FBXW7: variants seen among roughly 807,000 people sequenced by gnomAD.
The protein encoded by FBXW7 is F-box and WD repeat domain containing 7.
In FBXW7, 11 loss-of-function variants were observed where a neutral mutation model predicts 86.3. The observed-to-expected ratio is 0.13, with a 90% CI of 0.08 to 0.21. FBXW7 has a LOEUF of 0.21. Ranked by LOEUF, FBXW7 falls within the 10% of genes least tolerant of loss-of-function variation. The probability of loss-of-function intolerance (pLI) is 1.00; values close to 1 mark genes in which losing one functional copy is unlikely to be tolerated. For missense variants in FBXW7, 488 were observed against 847.4 expected (o/e 0.58, Z 5.27); for synonymous variants, 313 against 297.9 (o/e 1.05, Z -0.52).
chr4:152,424,689 T>C (rs1739227106), intron 2 of FBXW7, among the ~76,000 whole-genome samples: 1 of 152,200 alleles, frequency 6.6e-6, no homozygotes, highest in Non-Finnish European at 1.5e-5. Flanking sequence ...TGTTAAGGAA[T>C]TCAAATTTAA....
At chr4:152,522,476 T>A (rs1044050362) in intron 2 of FBXW7, among the ~76,000 whole-genome samples, 1 of 152,204 alleles carries the variant, frequency 6.6e-6, no homozygotes, top group Admixed American at 6.5e-5. Flanking sequence ...GTATACAGAA[T>A]CTAACTGGCA....
In FBXW7 at chr4:152,332,315, G is replaced by A. The variant is rs572285456; in HGVS notation, c.985+281C>T. ...ATACTAAATATTTGGATATTTAATT[G>A]GAAATATAATTTCGGGGTTTCCTTT... On this transcript the variant is annotated intron_variant, in intron 8 of 13. Coordinates refer to ENST00000281708, the MANE Select transcript of FBXW7 (RefSeq NM_001349798.2). Among the ~76,000 whole-genome samples, 6 of 152,138 alleles carry A rather than the reference G, an allele frequency of 3.9e-5. No homozygotes were observed. In the South Asian group the frequency reaches 1.2e-3, roughly 32 times the overall value.
chr4:152,326,448 A>C (rs138251041), intron 11 of FBXW7, among the ~76,000 whole-genome samples: 591 of 151,786 alleles, frequency 3.9e-3, no homozygotes, highest in Non-Finnish European at 6.1e-3. Flanking sequence ...AGAATGCTGC[A>C]TGCTTGGTTC....
intron 4 of FBXW7, among the ~76,000 whole-genome samples, chr4:152,356,876 A>C (rs1732431555): frequency 6.6e-6 from 1 of 152,206 alleles, no homozygotes; most frequent in African/African-American, 2.4e-5. Context: ...TTCATTCAGT[A>C]AGCATTTGTT....
At chr4:152,429,182 C>T (rs955772712) in intron 2 of FBXW7, among the ~76,000 whole-genome samples, 2 of 152,104 alleles carry the variant, frequency 1.3e-5, no homozygotes, top group Admixed American at 1.3e-4. Context: ...AAGAGCGAAA[C>T]TCCATCTCAA....
In FBXW7 at chr4:152,373,473, A is replaced by G. The variant is rs1734186518; in HGVS notation, c.502-23349T>C. On this transcript the variant is annotated intron_variant, in intron 4 of 13. Transcript: ENST00000281708. ...CACTGTTATATCTACAGTTTCTAGGAAAGTTCTCTACTCTAGGTGCTCAAT... is the reference window on the plus strand; with the variant it reads ...CACTGTTATATCTACAGTTTCTAGGGAAGTTCTCTACTCTAGGTGCTCAAT... 3.9e-5 allele frequency among the ~76,000 whole-genome samples: 6 copies of G among 152,152 alleles called. No homozygotes were observed. In the South Asian group the frequency reaches 1.2e-3, roughly 32 times the overall value.
chr4:152,356,346 T>C (rs1285143306), intron 4 of FBXW7, among the ~76,000 whole-genome samples: 2 of 152,212 alleles, frequency 1.3e-5, no homozygotes, highest in Non-Finnish European at 2.9e-5. Flanking sequence ...TTACAATCAG[T>C]ACTAAAAAGT....
At chr4:152,359,862 G>T (rs1732763176) in intron 4 of FBXW7, among the ~76,000 whole-genome samples, 1 of 152,160 alleles carries the variant, frequency 6.6e-6, no homozygotes, top group African/African-American at 2.4e-5. Context: ...AGAAAATGGA[G>T]AAGTTATTTT....
intron 4 of FBXW7, among the ~76,000 whole-genome samples, chr4:152,358,457 T>C (rs917807717): frequency 2.6e-5 from 4 of 151,986 alleles, no homozygotes; most frequent in Non-Finnish European, 4.4e-5. Flanking sequence ...GGGATTAATT[T>C]CCTAAATTAG....
chr4:152,430,317 T>C (rs2126946341), intron 2 of FBXW7, among the ~76,000 whole-genome samples: 1 of 152,284 alleles, frequency 6.6e-6, no homozygotes, highest in African/African-American at 2.4e-5. Context: ...TGAGGGTGTT[T>C]TGAAGTTTGA....
intron 2 of FBXW7, among the ~76,000 whole-genome samples, chr4:152,438,668 C>G (rs749785794): frequency 1.3e-5 from 2 of 152,140 alleles, no homozygotes; most frequent in Admixed American, 1.3e-4. Context: ...GACTGAGACT[C>G]TGTCTCAAAA....
chr4:152,433,777 C>G (rs960889939), intron 2 of FBXW7, among the ~76,000 whole-genome samples: 2 of 152,130 alleles, frequency 1.3e-5, no homozygotes, highest in Non-Finnish European at 2.9e-5. Context: ...TGGACACTTA[C>G]ATTTTCATGT....
At chr4:152,417,149 A>T (rs1294226210) in intron 2 of FBXW7, among the ~76,000 whole-genome samples, 1 of 152,024 alleles carries the variant, frequency 6.6e-6, no homozygotes. Flanking sequence ...GACTCCCCAT[A>T]CTATTATCTC....
chr4:152,379,662 C>T (rs1361880810), intron 4 of FBXW7, among the ~76,000 whole-genome samples: 1 of 151,972 alleles, frequency 6.6e-6, no homozygotes, highest in East Asian at 1.9e-4. Context: ...GGATTACAGG[C>T]GTGACCCACC....
At chr4:152,507,525 C>T (rs1747538803) in intron 2 of FBXW7, among the ~76,000 whole-genome samples, 1 of 152,102 alleles carries the variant, frequency 6.6e-6, no homozygotes, top group Non-Finnish European at 1.5e-5. Context: ...AAAGAATTAC[C>T]GTGTATAAAC....
chr4:152,480,419 C>T (rs1466599632), intron 2 of FBXW7, among the ~76,000 whole-genome samples: 11 of 152,142 alleles, frequency 7.2e-5, no homozygotes, highest in Admixed American at 7.2e-4. Flanking sequence ...CCTCCCTATT[C>T]CCTAAGACAA....
chr4:152,437,120 A>C (rs921229439), intron 2 of FBXW7, among the ~76,000 whole-genome samples: 21 of 152,244 alleles, frequency 1.4e-4, no homozygotes, highest in Admixed American at 4.6e-4. Flanking sequence ...CCTTTTGAGA[A>C]GGATAACTGC....
At chr4:152,375,979 A>G (rs1404596044) in intron 4 of FBXW7, among the ~76,000 whole-genome samples, 3 of 152,112 alleles carry the variant, frequency 2.0e-5, no homozygotes, top group African/African-American at 7.2e-5. Flanking sequence ...GGCAGATTAT[A>G]TACTTTTGAA....
chr4:152,504,735 G>A (rs980950783), intron 2 of FBXW7, among the ~76,000 whole-genome samples: 3 of 151,890 alleles, frequency 2.0e-5, no homozygotes, highest in Non-Finnish European at 4.4e-5. Context: ...AATTACTTCC[G>A]GTAAAAAGTT....
Sources: allele counts gnomAD v4.1 joint callset (sites outside exome capture counted in the v4.1 genomes callset), GRCh38; gene constraint gnomAD v4.1.1; transcripts MANE v1.5; gene names NCBI Gene and HGNC (gene_info 2026-07-23, HGNC 2026-07-21).